The following ATRNL1 variants were observed in gnomAD, a reference collection of about 807,000 sequenced individuals.
ATRNL1 encodes attractin-like protein 1.
Under a neutral mutation model 182.7 loss-of-function variants are expected in ATRNL1, and 95 were observed. The observed-to-expected ratio is 0.52, with a 90% CI of 0.44 to 0.62. The LOEUF (loss-of-function observed/expected upper bound fraction) is 0.62. ATRNL1 is among the 20% of genes least tolerant of loss of function. The probability of loss-of-function intolerance (pLI) is 0.00; values close to 1 mark genes in which losing one functional copy is unlikely to be tolerated. For synonymous variants in ATRNL1, 576 were observed against 568.3 expected, an observed-to-expected ratio of 1.01 and a Z score of -0.19; for missense variants, 1,471 against 1,679.5, an observed-to-expected ratio of 0.88 and a Z score of 2.17.
intron 26 of ATRNL1, among the ~76,000 whole-genome samples, chr10:115,667,163 C>G (rs1264359879): frequency 2.0e-5 from 3 of 152,068 alleles, no homozygotes; most frequent in Non-Finnish European, 4.4e-5. Context: ...CAATGGACTT[C>G]CTTACACTTT....
In ATRNL1 at chr10:115,530,889, T is replaced by A. The variant is rs535829028; in HGVS notation, c.3716+11565T>A. 7.1e-3 allele frequency among the ~76,000 whole-genome samples: 1,074 copies of A among 151,114 alleles called. 12 individuals are homozygous for A. Among genetic ancestry groups the A allele is most frequent in the African/African-American group, 0.024 (984 of 41,164 alleles). ...TGAGAACATGTGGTGTTTGGTTTTT[T>A]GTCCTTGCGATAGTTTACTGAGAAT... On this transcript the variant is annotated intron_variant, in intron 25 of 28. Transcript: ENST00000355044.
chr10:115,915,471 AG>A (rs1295454521), intron 28 of ATRNL1, among the ~76,000 whole-genome samples: 1 of 152,184 alleles, frequency 6.6e-6, no homozygotes, highest in African/African-American at 2.4e-5. Context: ...AATAAGACAA[AG>A]TTCTTGTCAG....
At chr10:115,214,041 T>TATAC (rs1554895618) in intron 8 of ATRNL1, among the ~76,000 whole-genome samples, 2 of 147,090 alleles carry the variant, frequency 1.4e-5, no homozygotes, top group East Asian at 2.0e-4. Context: ...TACAAATATG[T>TATAC]ACACACACAC....
chr10:115,232,256 G>A (rs114316875), intron 9 of ATRNL1, among the ~76,000 whole-genome samples: 1,788 of 152,130 alleles, frequency 0.012, 34 homozygotes, highest in African/African-American at 0.04. Flanking sequence ...TCTCATTAAG[G>A]TTTGATGTTT....
intron 8 of ATRNL1, among the ~76,000 whole-genome samples, chr10:115,187,176 T>A (rs1181997818): frequency 2.8e-5 from 4 of 145,374 alleles, no homozygotes; most frequent in African/African-American, 9.9e-5. Context: ...TGGGAATAAT[T>A]TTTTTTTTTT....
intron 28 of ATRNL1, among the ~76,000 whole-genome samples, chr10:115,889,992 T>C (rs888731198): frequency 6.6e-6 from 1 of 152,132 alleles, no homozygotes; most frequent in Non-Finnish European, 1.5e-5. Context: ...GGAGTGGTGG[T>C]TTCCAGATGA....
At chr10:115,792,676 A>G (rs1949557124) in intron 27 of ATRNL1, among the ~76,000 whole-genome samples, 1 of 151,096 alleles carries the variant, frequency 6.6e-6, no homozygotes, top group Non-Finnish European at 1.5e-5. Context: ...GGATATTCAA[A>G]ATGTTATATG....
chr10:115,341,104 A>G lies in ATRNL1; in HGVS notation c.3175+6685A>G, dbSNP rs1239419991. On this transcript the variant is annotated intron_variant, in intron 19 of 28. Transcript: ENST00000355044. ...TGCTCTTCCTTTTCTAGTTTTTAAG[A>G]TGCATCATTAGATTATTTGAAGCTT... is the stretch of plus-strand genomic sequence containing the variant. 6.6e-5 allele frequency among the ~76,000 whole-genome samples: 10 copies of G among 151,734 alleles called. No individual in the cohort carries two copies. In the East Asian group the frequency reaches 1.9e-3, roughly 29 times the overall value.
intron 27 of ATRNL1, among the ~76,000 whole-genome samples, chr10:115,793,992 T>C (rs1949590495): frequency 6.6e-6 from 1 of 152,176 alleles, no homozygotes; most frequent in Admixed American, 6.5e-5. Flanking sequence ...GCTTTATTGA[T>C]GGAAGACAAC....
chr10:115,148,606 T>C (rs1335888737), intron 5 of ATRNL1, among the ~76,000 whole-genome samples: 1 of 152,134 alleles, frequency 6.6e-6, no homozygotes, highest in Non-Finnish European at 1.5e-5. Context: ...TGTCTCGCAC[T>C]AAGGAAATCG....
intron 26 of ATRNL1, among the ~76,000 whole-genome samples, chr10:115,582,415 T>C (rs199861428): frequency 0.29 from 38,491 of 132,546 alleles, 5,972 homozygotes; most frequent in East Asian, 0.64. Flanking sequence ...TGTTGTTTCC[T>C]GACTTTTTAA....
chr10:115,209,103 A>G (rs1554894412), intron 8 of ATRNL1, among the ~76,000 whole-genome samples: 1 of 151,856 alleles, frequency 6.6e-6, no homozygotes, highest in Non-Finnish European at 1.5e-5. Flanking sequence ...TTTGGAAAGC[A>G]TTTCCTGCCA....
intron 28 of ATRNL1, among the ~76,000 whole-genome samples, chr10:115,924,839 GT>G (rs1438951069): frequency 6.6e-6 from 1 of 152,186 alleles, no homozygotes; most frequent in Non-Finnish European, 1.5e-5. Context: ...ACTTTGGGCA[GT>G]ATGGCCATTT....
chr10:115,579,452 T>C (rs1555006488), intron 26 of ATRNL1, among the ~76,000 whole-genome samples: 1 of 151,902 alleles, frequency 6.6e-6, no homozygotes, highest in Non-Finnish European at 1.5e-5. Flanking sequence ...TAAAATTATA[T>C]TGACTTTCTG....
chr10:115,370,194 C>G (rs566392246), intron 19 of ATRNL1, among the ~76,000 whole-genome samples: 1 of 152,316 alleles, frequency 6.6e-6, no homozygotes, highest in Admixed American at 6.5e-5. Context: ...AAACCTCTTT[C>G]TTTTATAAAT....
At chr10:115,222,565 A>G (rs891304659) in intron 9 of ATRNL1, among the ~76,000 whole-genome samples, 6 of 152,318 alleles carry the variant, frequency 3.9e-5, no homozygotes, top group African/African-American at 1.4e-4. Flanking sequence ...CAGATAGAGG[A>G]AAAAGGGCAT....
At chr10:115,690,865 C>T (rs1276885164) in intron 26 of ATRNL1, among the ~76,000 whole-genome samples, 1 of 152,144 alleles carries the variant, frequency 6.6e-6, no homozygotes, top group Non-Finnish European at 1.5e-5. Context: ...GTCAGGGTTT[C>T]TGTGGGCGTA....
intron 26 of ATRNL1, among the ~76,000 whole-genome samples, chr10:115,662,286 G>T (rs1015889703): frequency 1.3e-5 from 2 of 152,066 alleles, no homozygotes; most frequent in African/African-American, 2.4e-5. Flanking sequence ...AGTTCGAATG[G>T]TGATCATTAA....
intron 26 of ATRNL1, among the ~76,000 whole-genome samples, chr10:115,636,468 C>G (rs1224381747): frequency 1.3e-5 from 2 of 152,114 alleles, no homozygotes; most frequent in Non-Finnish European, 2.9e-5. Flanking sequence ...AAATTTAAAC[C>G]ATCATTGGAA....
Sources: allele counts gnomAD v4.1 joint callset (sites outside exome capture counted in the v4.1 genomes callset), GRCh38; gene constraint gnomAD v4.1.1; transcripts MANE v1.5; gene names NCBI Gene and HGNC (gene_info 2026-07-23, HGNC 2026-07-21).